The following DACH1 variants were observed in gnomAD, a reference collection of about 807,000 sequenced individuals.
DACH1 encodes the protein dachshund homolog 1.
DACH1 carries 12 observed loss-of-function variants against 54.2 expected under a neutral mutation model. That is an observed-to-expected ratio of 0.22 (90% CI 0.14 to 0.36). The LOEUF (loss-of-function observed/expected upper bound fraction) is 0.36. Ranked by LOEUF, DACH1 falls within the 10% of genes least tolerant of loss-of-function variation. The pLI is 1.00. For synonymous variants in DACH1, 386 were observed against 366.2 expected (o/e 1.05, Z -0.62); for missense variants, 805 against 929.8 (o/e 0.87, Z 1.75).
chr13:71,631,999 G>A (rs1028773126), intron 2 of DACH1, among the ~76,000 whole-genome samples: 2 of 152,076 alleles, frequency 1.3e-5, no homozygotes, highest in Non-Finnish European at 2.9e-5. Context: ...TCAGGAGGCT[G>A]AGGTAGGAGA....
At chr13:71,861,143 A>C (rs1052759935) in intron 1 of DACH1, among the ~76,000 whole-genome samples, 2 of 151,994 alleles carry the variant, frequency 1.3e-5, no homozygotes, top group African/African-American at 4.8e-5. Flanking sequence ...ATCCAAAAAA[A>C]AAGCAGATTT....
chr13:71,800,206 A>G (rs1011487219), intron 1 of DACH1, among the ~76,000 whole-genome samples: 1 of 152,134 alleles, frequency 6.6e-6, no homozygotes, highest in African/African-American at 2.4e-5. Flanking sequence ...GTGATTATAT[A>G]CAAATTTAAT....
chr13:71,487,844 A>G (rs1422599749), intron 7 of DACH1, among the ~76,000 whole-genome samples: 1 of 152,208 alleles, frequency 6.6e-6, no homozygotes, highest in Non-Finnish European at 1.5e-5. Flanking sequence ...AATTCATTAA[A>G]AGCACTATCT....
chr13:71,741,980 C>T (rs1406237057), intron 1 of DACH1, among the ~76,000 whole-genome samples: 1 of 152,090 alleles, frequency 6.6e-6, no homozygotes, highest in Non-Finnish European at 1.5e-5. Flanking sequence ...AATTGTATCT[C>T]CCACAATTCC....
At chr13:71,484,814 C>A (rs905756367) in intron 7 of DACH1, among the ~76,000 whole-genome samples, 1 of 151,954 alleles carries the variant, frequency 6.6e-6, no homozygotes, top group Non-Finnish European at 1.5e-5. Context: ...ACGCCTGTAA[C>A]CCCAGCACTT....
chr13:71,578,006 G>T (rs1885640693), intron 3 of DACH1, among the ~76,000 whole-genome samples: 1 of 151,992 alleles, frequency 6.6e-6, no homozygotes, highest in African/African-American at 2.4e-5. Flanking sequence ...TTAGATAGAA[G>T]ACACATAAAA....
intron 1 of DACH1, among the ~76,000 whole-genome samples, chr13:71,843,516 C>T (rs1873020978): frequency 6.6e-6 from 1 of 152,124 alleles, no homozygotes; most frequent in African/African-American, 2.4e-5. Flanking sequence ...CTGCCCAGCT[C>T]AACCTCTCAA....
At chr13:71,794,499 C>T (rs938305309) in intron 1 of DACH1, among the ~76,000 whole-genome samples, 7 of 152,086 alleles carry the variant, frequency 4.6e-5, no homozygotes, top group East Asian at 1.9e-4. Flanking sequence ...AGTGCAATGG[C>T]GCAATCTCGG....
Position 71,696,781 on chromosome 13 carries a change from A to T in DACH1, c.849-14871T>A, listed in dbSNP as rs113552117. On this transcript the variant is annotated intron_variant, in intron 1 of 10. Coordinates refer to ENST00000613252, the MANE Select transcript of DACH1 (RefSeq NM_080759.6). The stretch of plus-strand genomic sequence containing the variant: ...AGGCTGATCTCGAACTCCTAACCAC[A>T]GGTGATCCGCCCACCTCAGCCTCTC... Among the ~76,000 whole-genome samples the T allele has an allele frequency of 7.5e-3, 1,146 of 152,292 alleles. 20 individuals are homozygous for T. Among genetic ancestry groups the T allele is most frequent in the African/African-American group, 0.026 (1,086 of 41,564 alleles).
At chr13:71,639,379 C>T (rs1303630996) in intron 2 of DACH1, among the ~76,000 whole-genome samples, 3 of 151,920 alleles carry the variant, frequency 2.0e-5, no homozygotes, top group Admixed American at 6.6e-5. Flanking sequence ...CTTTTCTTGG[C>T]CTTTGAAACA....
At chr13:71,554,123 C>A (rs1231314351) in intron 6 of DACH1, among the ~76,000 whole-genome samples, 2 of 151,816 alleles carry the variant, frequency 1.3e-5, no homozygotes, top group African/African-American at 4.8e-5. Context: ...TTATGAGGCC[C>A]ATGAAAATTT....
intron 1 of DACH1, among the ~76,000 whole-genome samples, chr13:71,749,407 A>C (rs918172703): frequency 2.0e-5 from 3 of 152,138 alleles, no homozygotes; most frequent in South Asian, 4.1e-4. Flanking sequence ...ATTTGAGAAC[A>C]CACTAGATTT....
In DACH1 at chr13:71,735,270, ACACG is replaced by A. The variant is rs1339818456; in HGVS notation, c.849-53364_849-53361del. Among the ~76,000 whole-genome samples the A allele has an allele frequency of 3.1e-4, 11 of 35,818 alleles. No homozygotes were observed. In the Non-Finnish European group the frequency reaches 4.0e-3, roughly 13 times the overall value. 23.5% of individuals were successfully genotyped at this position (35,818 alleles called of 152,430 possible). A position where few individuals can be genotyped will look rare whatever the true frequency, so the allele number is the denominator to read the frequency against. On this transcript the variant is annotated intron_variant, in intron 1 of 10. Transcript: ENST00000613252. ...TATGGGATATACGTGTATATGGGAT[ACACG>A]TATGTATATGGGATATACACGTATA...
chr13:71,552,182 CAGAGAA>C (rs546773287), intron 6 of DACH1, among the ~76,000 whole-genome samples: 1 of 152,212 alleles, frequency 6.6e-6, no homozygotes, highest in Admixed American at 6.5e-5. Flanking sequence ...AAGGGAGAGA[CAGAGAA>C]AGAGAGCGAT....
intron 1 of DACH1, among the ~76,000 whole-genome samples, chr13:71,789,221 A>C (rs1301837731): frequency 6.6e-6 from 1 of 152,100 alleles, no homozygotes; most frequent in Non-Finnish European, 1.5e-5. Context: ...ATCACAGTGC[A>C]TTTAATTTAG....
At chr13:71,626,002 G>T (rs2138556196) in intron 3 of DACH1, among the ~76,000 whole-genome samples, 1 of 151,950 alleles carries the variant, frequency 6.6e-6, no homozygotes, top group East Asian at 1.9e-4. Flanking sequence ...TAGTGGCAAA[G>T]GTCCCTCTTA....
intron 1 of DACH1, among the ~76,000 whole-genome samples, chr13:71,798,337 T>C (rs1417812720): frequency 4.4e-4 from 43 of 98,132 alleles, no homozygotes; most frequent in African/African-American, 1.8e-3. Context: ...TATATATATA[T>C]ATATATATAT....
intron 6 of DACH1, among the ~76,000 whole-genome samples, chr13:71,535,533 T>C (rs2138316425): frequency 6.6e-6 from 1 of 151,970 alleles, no homozygotes; most frequent in East Asian, 1.9e-4. Flanking sequence ...AATTAACAAA[T>C]ATGGTAAATT....
chr13:71,787,212 A>G (rs952513105), intron 1 of DACH1, among the ~76,000 whole-genome samples: 1 of 152,222 alleles, frequency 6.6e-6, no homozygotes, highest in African/African-American at 2.4e-5. Context: ...GCGTGCTTAC[A>G]TTAAAAAGAG....
Sources: gnomAD v4.1 joint callset for allele counts (sites outside exome capture counted in the v4.1 genomes callset) on GRCh38, gnomAD v4.1.1 for gene constraint, MANE v1.5 for transcripts, NCBI Gene and HGNC (gene_info 2026-07-23, HGNC 2026-07-21) for gene names.